The following NTNG1 variants were observed in gnomAD, a reference collection of about 807,000 sequenced individuals.
NTNG1 encodes the protein netrin-G1.
In NTNG1, 16 loss-of-function variants were observed where a neutral mutation model predicts 54.0. The ratio of observed to expected loss-of-function variants is 0.30; its 90% confidence interval spans 0.20 to 0.45. The LOEUF (loss-of-function observed/expected upper bound fraction) is 0.45, where lower values mean the gene tolerates loss of function less well. NTNG1 is among the 20% of genes least tolerant of loss of function. The pLI is 1.00. For synonymous variants in NTNG1, 255 were observed against 263.1 expected (o/e 0.97, Z 0.30); for missense variants, 530 against 678.7 (o/e 0.78, Z 2.43).
chr1:107,256,964 G>C (rs1662976163), intron 2 of NTNG1, among the ~76,000 whole-genome samples: 2 of 151,830 alleles, frequency 1.3e-5, no homozygotes, highest in Admixed American at 1.3e-4. Flanking sequence ...TGACAGATTT[G>C]ACTTTGAAAT....
chr1:107,170,362 G>A (rs914369309), intron 2 of NTNG1, among the ~76,000 whole-genome samples: 1 of 151,994 alleles, frequency 6.6e-6, no homozygotes, highest in Non-Finnish European at 1.5e-5. Flanking sequence ...AAATTCAAAT[G>A]AGTAGCAAAT....
intron 2 of NTNG1, among the ~76,000 whole-genome samples, chr1:107,194,774 G>A (rs947411441): frequency 3.9e-5 from 6 of 151,950 alleles, no homozygotes; most frequent in Admixed American, 2.6e-4. Context: ...CTTCCTATTA[G>A]TTTTGTCTTG....
At chr1:107,244,270 A>G (rs937898381) in intron 2 of NTNG1, among the ~76,000 whole-genome samples, 1 of 152,224 alleles carries the variant, frequency 6.6e-6, no homozygotes, top group Non-Finnish European at 1.5e-5. Context: ...AATAGATACA[A>G]CTTAAAAGTT....
intron 3 of NTNG1, among the ~76,000 whole-genome samples, chr1:107,338,872 T>A (rs368636787): frequency 8.1e-5 from 12 of 148,210 alleles, no homozygotes; most frequent in Admixed American, 7.4e-4. Context: ...TAAGAAGCTT[T>A]AAAAAAAAAA....
At chr1:107,389,647 G>A (rs908785560) in intron 3 of NTNG1, among the ~76,000 whole-genome samples, 3 of 152,136 alleles carry the variant, frequency 2.0e-5, no homozygotes, top group South Asian at 2.1e-4. Context: ...CTGCCTTAGC[G>A]ACACCCTTAT....
intron 2 of NTNG1, among the ~76,000 whole-genome samples, chr1:107,251,985 A>G (rs1471337574): frequency 6.6e-6 from 1 of 152,084 alleles, no homozygotes; most frequent in African/African-American, 2.4e-5. Context: ...ACCAGCCTCC[A>G]TGGTTTACTT....
At chr1:107,469,129 G>A (rs544074223) in intron 7 of NTNG1, among the ~76,000 whole-genome samples, 12 of 149,750 alleles carry the variant, frequency 8.0e-5, no homozygotes, top group African/African-American at 1.7e-4. Flanking sequence ...CGAAAGGAGC[G>A]TTCCTGATCT....
chr1:107,470,869 G>C (rs1353790769), intron 7 of NTNG1, among the ~76,000 whole-genome samples: 3 of 152,142 alleles, frequency 2.0e-5, no homozygotes, highest in Non-Finnish European at 4.4e-5. Flanking sequence ...CAGCTTGTAG[G>C]ATTCTCAGTA....
At chr1:107,391,325 A>T (rs1458583327) in intron 3 of NTNG1, among the ~76,000 whole-genome samples, 2 of 152,130 alleles carry the variant, frequency 1.3e-5, no homozygotes, top group Non-Finnish European at 2.9e-5. Flanking sequence ...TGTGTAAAAA[A>T]ATATTTGGAC....
At chr1:107,349,819 TTATC>T (rs1197649331) in intron 3 of NTNG1, among the ~76,000 whole-genome samples, 9 of 152,174 alleles carry the variant, frequency 5.9e-5, no homozygotes, top group Non-Finnish European at 1.2e-4. Flanking sequence ...ATACCACAGT[TTATC>T]TATACTCCTG....
chr1:107,183,563 A>G lies in NTNG1; in HGVS notation c.246+34724A>G, dbSNP rs113996702. Among the ~76,000 whole-genome samples the G allele has an allele frequency of 6.9e-3, 1,055 of 152,192 alleles. 8 individuals carry two copies. Among genetic ancestry groups the G allele is most frequent in the Non-Finnish European group, 0.011 (758 of 67,992 alleles). ...TAGTATTAAAAATGAGGGGCAGCTT[A>G]TATTTGGTTGTATTAGTTTTGGATG... On this transcript the variant is annotated intron_variant, in intron 2 of 7. Transcript: ENST00000370068.
At chr1:107,190,237 G>T (rs1425397927) in intron 2 of NTNG1, among the ~76,000 whole-genome samples, 4 of 152,008 alleles carry the variant, frequency 2.6e-5, no homozygotes, top group Non-Finnish European at 5.9e-5. Flanking sequence ...AAGGATTGTG[G>T]TAATGGTTGC....
rs1437878462 is a variant in NTNG1 at position 107,155,966 on chromosome 1, G to C, written c.246+7127G>C. Reference sequence around the variant, plus strand: ...TTCAGTATAGTGACATGCTATACAGGCTTGTAGCCTAGGAGCAATAGACTA... The same window carrying C: ...TTCAGTATAGTGACATGCTATACAGCCTTGTAGCCTAGGAGCAATAGACTA... On this transcript the variant is annotated intron_variant, in intron 2 of 7. Transcript: ENST00000370068. 2.6e-5 allele frequency among the ~76,000 whole-genome samples: 4 copies of C among 152,094 alleles called. No individual in the cohort carries two copies. In the East Asian group the frequency reaches 5.8e-4, roughly 22 times the overall value.
chr1:107,220,526 T>C (rs923594962), intron 2 of NTNG1, among the ~76,000 whole-genome samples: 2 of 152,256 alleles, frequency 1.3e-5, no homozygotes, highest in Non-Finnish European at 2.9e-5. Context: ...TTTGCACATA[T>C]GCATGGCATA....
At chr1:107,304,160 A>G (rs893012822) in intron 2 of NTNG1, among the ~76,000 whole-genome samples, 1 of 151,874 alleles carries the variant, frequency 6.6e-6, no homozygotes, top group African/African-American at 2.4e-5. Context: ...TATCTTCTTT[A>G]GAGTATCTGG....
intron 2 of NTNG1, among the ~76,000 whole-genome samples, chr1:107,249,477 C>T (rs1360283018): frequency 5.8e-5 from 4 of 68,598 alleles, no homozygotes; most frequent in African/African-American, 1.2e-4. Context: ...AGTGAAACTC[C>T]GTCTCAAAAA....
chr1:107,438,585 A>G (rs2101394557), intron 7 of NTNG1, among the ~76,000 whole-genome samples: 1 of 152,264 alleles, frequency 6.6e-6, no homozygotes, highest in Admixed American at 6.5e-5. Context: ...CTCAAGGCAT[A>G]AAGAATAAGG....
At chr1:107,275,379 A>C (rs147762243) in intron 2 of NTNG1, among the ~76,000 whole-genome samples, 1 of 152,124 alleles carries the variant, frequency 6.6e-6, no homozygotes, top group Non-Finnish European at 1.5e-5. Context: ...CGTCTCAAAA[A>C]AAATAAATAA....
chr1:107,265,661 T>C (rs1663685633), intron 2 of NTNG1, among the ~76,000 whole-genome samples: 1 of 152,248 alleles, frequency 6.6e-6, no homozygotes, highest in Non-Finnish European at 1.5e-5. Context: ...ATCAGCTTTC[T>C]GTTAAATTTT....
Sources: allele counts gnomAD v4.1 joint callset (sites outside exome capture counted in the v4.1 genomes callset), GRCh38; gene constraint gnomAD v4.1.1; transcripts MANE v1.5; gene names NCBI Gene and HGNC (gene_info 2026-07-23, HGNC 2026-07-21).